The following PCDHGA8 variants were observed in gnomAD, a reference collection of about 807,000 sequenced individuals.
The protein encoded by PCDHGA8 is protocadherin gamma-A8.
In PCDHGA8, 45 loss-of-function variants were observed where a neutral mutation model predicts 59.2. That is an observed-to-expected ratio of 0.76 (90% CI 0.60 to 0.98). The LOEUF is 0.98. PCDHGA8 is among the 50% of genes least tolerant of loss of function. The pLI is 0.00. For synonymous variants in PCDHGA8, 531 were observed against 519.0 expected, an observed-to-expected ratio of 1.02 and a Z score of -0.32; for missense variants, 1,257 against 1,196.2, an observed-to-expected ratio of 1.05 and a Z score of -0.75.
At chr5:141,484,047 TC>T (rs1351554084) in intron 1 of PCDHGA8, among the ~76,000 whole-genome samples, 1 of 151,912 alleles carries the variant, frequency 6.6e-6, no homozygotes, top group African/African-American at 2.4e-5. Context: ...CTCCAAGAGG[TC>T]CCCTGGGGCT....
At chr5:141,484,061 G>A (rs570687480) in intron 1 of PCDHGA8, among the ~76,000 whole-genome samples, 8 of 152,124 alleles carry the variant, frequency 5.3e-5, no homozygotes, top group Non-Finnish European at 1.0e-4. Context: ...CTGGGGCTAA[G>A]TGAAAAGCTT....
At position 141,414,787 on chromosome 5, in the gene PCDHGA8, G is replaced by C. The variant is rs372484037; in HGVS notation, c.2424+19550G>C. ...TCATGAGCTACAGATGCAGGTGACA[G>C]CCAGCGACAGCGGGGATCCTCCACT... On this transcript the variant is annotated intron_variant, in intron 1 of 3. Coordinates refer to ENST00000398604, the MANE Select transcript of PCDHGA8 (RefSeq NM_032088.2). 12 of 1,614,230 alleles carry C rather than the reference G, an allele frequency of 7.4e-6. No homozygotes were observed. The highest frequency in any genetic ancestry group is 2.2e-5 in the East Asian group (1 of 44,874).
intron 1 of PCDHGA8, chr5:141,405,039 C>T (rs1227328278): frequency 1.2e-6 from 2 of 1,613,880 alleles, no homozygotes; most frequent in Non-Finnish European, 1.7e-6. Flanking sequence ...CTCGTTGTGG[C>T]TGTGGCAGTC....
At position 141,477,577 on chromosome 5, in the gene PCDHGA8, G is replaced by T; in HGVS notation, c.2425-17230G>T. Reference sequence around the variant, plus strand: ...TAAGTGTCTGGGACCCCGACGCCCCGCAGAATGCTCGGCTTTCTTTCTTTC... The same window carrying T: ...TAAGTGTCTGGGACCCCGACGCCCCTCAGAATGCTCGGCTTTCTTTCTTTC... On this transcript the variant is annotated intron_variant, in intron 1 of 3. Transcript: ENST00000398604. The surrounding 1 kb of genome is among the most constrained non-coding windows in gnomAD (Gnocchi z 4.9). 1.2e-6 allele frequency: 2 copies of T among 1,614,124 alleles called. No homozygotes were observed. Among genetic ancestry groups the T allele is most frequent in the Non-Finnish European group, 1.7e-6 (2 of 1,180,020 alleles).
chr5:141,414,690 G>A (rs377704657), intron 1 of PCDHGA8: 53 of 1,613,888 alleles, frequency 3.3e-5, no homozygotes, highest in Middle Eastern at 1.6e-4. Flanking sequence ...GGGTACCTCT[G>A]TCCTCATACA....
chr5:141,393,399 C>A lies in PCDHGA8; in HGVS notation c.586C>A (p.Leu196Met). ...DNGAINPELV[L>M]ERALDREEEA... is the part of the protein sequence containing the mutation. The stretch of plus-strand genomic sequence containing the variant: ...TGGAGCCATAAACCCAGAGCTGGTG[C>A]TGGAGCGCGCCCTGGACAGGGAGGA... The change falls in exon 1 of 4, where the codon CTG becomes ATG. Residue 196 changes from leucine to methionine, a missense_variant. Physicochemically the swap from Leu to Met is conservative, Grantham distance 15. Transcript: ENST00000398604. 1.2e-6 allele frequency: 2 copies of A among 1,614,028 alleles called. No homozygotes were observed. Among genetic ancestry groups the A allele is most frequent in the Non-Finnish European group, 1.7e-6 (2 of 1,179,894 alleles).
intron 1 of PCDHGA8, among the ~76,000 whole-genome samples, chr5:141,483,208 G>A (rs1195144442): frequency 6.6e-6 from 1 of 152,196 alleles, no homozygotes; most frequent in East Asian, 1.9e-4. Context: ...ATTCCATATA[G>A]ATGACAGTCA....
chr5:141,399,886 G>T, intron 1 of PCDHGA8: 1 of 1,612,706 alleles, frequency 6.2e-7, no homozygotes, highest in Non-Finnish European at 8.5e-7. Flanking sequence ...GGTGACCAAG[G>T]TAGTGGCCGT....
Position 141,490,179 on chromosome 5 carries a change from A to G in PCDHGA8, c.2425-4628A>G. On this transcript the variant is annotated intron_variant, in intron 1 of 3. Transcript: ENST00000398604. This position sits in a 1 kb window ranked among gnomAD's most constrained non-coding sequence, Gnocchi z 5.4. Reference sequence around the variant, plus strand: ...TGGGTCCCATAGACTTTGAGGAGTCACGTTTCTATGAAATTCATGCAAGAG... The same window carrying G: ...TGGGTCCCATAGACTTTGAGGAGTCGCGTTTCTATGAAATTCATGCAAGAG... 1 of 1,614,202 alleles carries G rather than the reference A, an allele frequency of 6.2e-7. No individual in the cohort carries two copies. Among genetic ancestry groups the G allele is most frequent in the East Asian group, 2.2e-5 (1 of 44,882 alleles).
At chr5:141,407,881 C>T in intron 1 of PCDHGA8, 2 of 375,244 alleles carry the variant, frequency 5.3e-6, no homozygotes, top group Non-Finnish European at 9.5e-6. Context: ...ATATACATTT[C>T]GGAGACCGAA....
chr5:141,396,813 T>C (rs1031435038), intron 1 of PCDHGA8, among the ~76,000 whole-genome samples: 4 of 152,240 alleles, frequency 2.6e-5, no homozygotes, highest in African/African-American at 9.6e-5. Context: ...AGTGTTCTAC[T>C]GTATGGTGCA....
rs780779279 is a variant in PCDHGA8, at chr5:141,394,655, G to A, written c.1842G>A (p.Pro614=). Residue 614 remains proline, a synonymous_variant, in exon 1 of 4, where the codon CCG becomes CCA. Transcript: ENST00000398604. Reference sequence around the variant, plus strand: ...ACCGCCTGCTCAAGGCCAGCGAGCCGGGACTCTTCTCGGTGGGTCTGCACA... The same window carrying A: ...ACCGCCTGCTCAAGGCCAGCGAGCCAGGACTCTTCTCGGTGGGTCTGCACA... ...LSYRLLKASE[P]GLFSVGLHTG... The A allele has an allele frequency of 2.7e-5, 43 of 1,613,284 alleles. No individual in the cohort carries two copies. Among genetic ancestry groups the A allele is most frequent in the Admixed American group, 5.0e-5 (3 of 59,990 alleles).
In PCDHGA8 at chr5:141,405,177, G is replaced by C. The variant is rs370032217; in HGVS notation, c.2424+9940G>C. On this transcript the variant is annotated intron_variant, in intron 1 of 3. Coordinates refer to ENST00000398604, the MANE Select transcript of PCDHGA8 (RefSeq NM_032088.2). Reference sequence around the variant, plus strand: ...GGTGTGCCCACCTCACACTTTGTGGGTGTAGATGGGGTTCGAGCTTTCCTA... The same window carrying C: ...GGTGTGCCCACCTCACACTTTGTGGCTGTAGATGGGGTTCGAGCTTTCCTA... 1.6e-5 allele frequency: 26 copies of C among 1,614,140 alleles called. No homozygotes were observed. The highest frequency in any genetic ancestry group is 2.0e-5 in the Non-Finnish European group (24 of 1,180,024).
At chr5:141,398,565 A>C in intron 1 of PCDHGA8, 1 of 1,614,040 alleles carries the variant, frequency 6.2e-7, no homozygotes, top group Non-Finnish European at 8.5e-7. Context: ...GTGAGTCTGC[A>C]CAGCCTGGCA....
intron 2 of PCDHGA8, among the ~76,000 whole-genome samples, chr5:141,504,793 C>A (rs1256626821): frequency 9.9e-5 from 15 of 152,166 alleles, no homozygotes; most frequent in Admixed American, 3.9e-4. Context: ...GGGCCTCCTA[C>A]ATCTCCCCCT....
At chr5:141,433,261 A>G (rs761584659) in intron 1 of PCDHGA8, 4 of 1,344,710 alleles carry the variant, frequency 3.0e-6, no homozygotes, top group Non-Finnish European at 4.1e-6. Context: ...CGGTACGATC[A>G]TAGCTCACTG....
In PCDHGA8 at chr5:141,490,951, T is replaced by C. The variant is rs778168052; in HGVS notation, c.2425-3856T>C. 20 of 1,613,640 alleles carry C rather than the reference T, an allele frequency of 1.2e-5. No homozygotes were observed. Among genetic ancestry groups the C allele is most frequent in the Middle Eastern group, 1.6e-4 (1 of 6,084 alleles). On this transcript the variant is annotated intron_variant, in intron 1 of 3. Coordinates refer to ENST00000398604, the MANE Select transcript of PCDHGA8 (RefSeq NM_032088.2). This position sits in a 1 kb window ranked among gnomAD's most constrained non-coding sequence, Gnocchi z 5.4. The stretch of plus-strand genomic sequence containing the variant: ...AGCTGTGCTGCACCCACGGCCAGAC[T>C]GGGAACACTCAGCCCCCCAGCGTCT...
chr5:141,422,828 T>C (rs1273420440), intron 1 of PCDHGA8: 2 of 1,614,232 alleles, frequency 1.2e-6, no homozygotes, highest in East Asian at 4.5e-5. Context: ...CTGAGAGTGA[T>C]AGCACGTGAC....
At chr5:141,484,399 CCGCTGTGTCT>C (rs1488164183) in intron 1 of PCDHGA8, among the ~76,000 whole-genome samples, 4 of 152,186 alleles carry the variant, frequency 2.6e-5, no homozygotes, top group Non-Finnish European at 4.4e-5. Context: ...GGTTTGGTTT[CCGCTGTGTCT>C]CCTGTTACAA....
Sources: allele counts gnomAD v4.1 joint callset (sites outside exome capture counted in the v4.1 genomes callset), GRCh38; gene constraint gnomAD v4.1.1; non-coding constraint Gnocchi (gnomAD v3.1); transcripts MANE v1.5; gene names NCBI Gene and HGNC (gene_info 2026-07-23, HGNC 2026-07-21).